The following LRBA variants were observed in gnomAD, a reference collection of about 807,000 sequenced individuals.
The protein encoded by LRBA is lipopolysaccharide-responsive and beige-like anchor protein.
Under a neutral mutation model 330.0 loss-of-function variants are expected in LRBA, and 176 were observed. The observed-to-expected ratio is 0.53, with a 90% CI of 0.47 to 0.60. The LOEUF (loss-of-function observed/expected upper bound fraction) is 0.60, where lower values mean the gene tolerates loss of function less well. LRBA is among the 20% of genes least tolerant of loss of function. LRBA has a pLI of 0.00. For synonymous variants in LRBA, 1,230 were observed against 1,193.0 expected, an observed-to-expected ratio of 1.03 and a Z score of -0.64; for missense variants, 3,259 against 3,444.8, an observed-to-expected ratio of 0.95 and a Z score of 1.35.
intron 36 of LRBA, among the ~76,000 whole-genome samples, chr4:150,684,287 A>G (rs543546425): frequency 1.3e-5 from 2 of 152,316 alleles, no homozygotes; most frequent in South Asian, 2.1e-4. Context: ...ACAGGGCCAG[A>G]AAAGAGACAA....
At chr4:150,614,037 C>G (rs957299595) in intron 37 of LRBA, among the ~76,000 whole-genome samples, 2 of 152,218 alleles carry the variant, frequency 1.3e-5, no homozygotes, top group Non-Finnish European at 2.9e-5. Context: ...ACTCTCACAT[C>G]TGCGCAGATC....
chr4:150,359,156 T>C (rs62346996), intron 47 of LRBA, among the ~76,000 whole-genome samples: 31,564 of 152,186 alleles, frequency 0.21, 3,995 homozygotes, highest in Non-Finnish European at 0.29. Flanking sequence ...GTGTATGCGA[T>C]TGCATACTTG....
rs72736395 is a variant in LRBA at position 150,700,944 on chromosome 4, G to A, written c.5755-17227C>T. Among the ~76,000 whole-genome samples the A allele has an allele frequency of 1.6e-3, 244 of 151,966 alleles. 1 individual carries two copies. The highest frequency in any genetic ancestry group is 3.7e-3 in the Admixed American group (56 of 15,258). On this transcript the variant is annotated intron_variant, in intron 36 of 56. Coordinates refer to ENST00000651943, the MANE Select transcript of LRBA (RefSeq NM_001364905.1). ...CTGGCTAACTTTTTTATTTTTTGTAGAGACAAGGTCTCCCTATGTTGCCCA... is the reference window on the plus strand; with the variant it reads ...CTGGCTAACTTTTTTATTTTTTGTAAAGACAAGGTCTCCCTATGTTGCCCA...
At chr4:150,449,260 G>A (rs551154497) in intron 44 of LRBA, among the ~76,000 whole-genome samples, 1 of 152,124 alleles carries the variant, frequency 6.6e-6, no homozygotes, top group Non-Finnish European at 1.5e-5. Context: ...CTGGGGTAGG[G>A]TAAAAGCAAA....
intron 37 of LRBA, among the ~76,000 whole-genome samples, chr4:150,609,794 T>C (rs1448541780): frequency 2.6e-5 from 4 of 152,098 alleles, no homozygotes; most frequent in Admixed American, 6.5e-5. Context: ...CTTAAGCATG[T>C]TTGCAGAAGG....
At chr4:150,652,836 A>G (rs4235249) in intron 37 of LRBA, among the ~76,000 whole-genome samples, 151,231 of 152,246 alleles carry the variant, frequency 0.99, 75,114 homozygotes, top group East Asian at 1. Context: ...AATTGAGGTT[A>G]GACACCTAAC....
At chr4:150,611,105 T>C (rs534267049) in intron 37 of LRBA, among the ~76,000 whole-genome samples, 1 of 152,210 alleles carries the variant, frequency 6.6e-6, no homozygotes, top group African/African-American at 2.4e-5. Flanking sequence ...TAAATAATCA[T>C]GGGACTGAAC....
intron 37 of LRBA, among the ~76,000 whole-genome samples, chr4:150,614,661 T>C (rs1775586994): frequency 1.3e-5 from 2 of 152,168 alleles, no homozygotes; most frequent in Non-Finnish European, 1.5e-5. Flanking sequence ...AGTAGACCTA[T>C]AATTGAAGTA....
At chr4:150,968,593 G>A (rs150589424) in intron 2 of LRBA, among the ~76,000 whole-genome samples, 1 of 152,320 alleles carries the variant, frequency 6.6e-6, no homozygotes, top group East Asian at 1.9e-4. Context: ...GGAGAGGTGA[G>A]TAAGCTGTAG....
intron 17 of LRBA, among the ~76,000 whole-genome samples, chr4:150,876,985 G>T (rs555608702): frequency 9.9e-5 from 15 of 152,236 alleles, no homozygotes; most frequent in Admixed American, 8.5e-4. Context: ...TGGGCGCAGT[G>T]GCTCACGCCT....
intron 2 of LRBA, among the ~76,000 whole-genome samples, chr4:150,977,722 G>C (rs959487516): frequency 1.6e-4 from 24 of 152,214 alleles, no homozygotes; most frequent in African/African-American, 5.8e-4. Flanking sequence ...GCTAACTGAA[G>C]AGTCCTTGGG....
chr4:150,541,212 AAAGGAG>A (rs1209206546), intron 40 of LRBA, among the ~76,000 whole-genome samples: 1 of 152,128 alleles, frequency 6.6e-6, no homozygotes, highest in Non-Finnish European at 1.5e-5. Context: ...GGAAGAAGGG[AAAGGAG>A]AAGGATAAAG....
intron 37 of LRBA, among the ~76,000 whole-genome samples, chr4:150,652,573 C>T (rs1779803140): frequency 6.6e-6 from 1 of 151,952 alleles, no homozygotes; most frequent in African/African-American, 2.4e-5. Flanking sequence ...CTAACAGTCA[C>T]ATAAAAAAGG....
intron 19 of LRBA, among the ~76,000 whole-genome samples, chr4:150,871,023 C>T (rs569291464): frequency 6.6e-6 from 1 of 152,166 alleles, no homozygotes; most frequent in African/African-American, 2.4e-5. Context: ...GTGGGTAGAT[C>T]GCCTGAGGTC....
chr4:150,561,451 A>C (rs1284582551), intron 40 of LRBA, among the ~76,000 whole-genome samples: 1 of 152,240 alleles, frequency 6.6e-6, no homozygotes, highest in Non-Finnish European at 1.5e-5. Flanking sequence ...ACATTATAAC[A>C]GAGAGATTAA....
At chr4:150,266,217 G>GA (rs1745307992) in intron 56 of LRBA, among the ~76,000 whole-genome samples, 1 of 152,208 alleles carries the variant, frequency 6.6e-6, no homozygotes, top group Non-Finnish European at 1.5e-5. Flanking sequence ...ACTGCTGGTG[G>GA]AAAGAAGCAG....
chr4:150,733,994 T>C (rs1398695789), intron 36 of LRBA, among the ~76,000 whole-genome samples: 1 of 152,196 alleles, frequency 6.6e-6, no homozygotes, highest in Non-Finnish European at 1.5e-5. Context: ...AGCTGTATCT[T>C]GCACTTGCAA....
intron 40 of LRBA, among the ~76,000 whole-genome samples, chr4:150,558,825 G>A (rs1402100299): frequency 1.3e-5 from 2 of 152,096 alleles, no homozygotes; most frequent in Non-Finnish European, 2.9e-5. Context: ...TTAAGACTCT[G>A]ACTCTAATCT....
intron 40 of LRBA, chr4:150,579,918 C>G (rs890372499): frequency 2.9e-6 from 1 of 343,188 alleles, no homozygotes; most frequent in African/African-American, 2.2e-5. Context: ...ACCCTCTATC[C>G]CCGCCACCAG....
Sources: allele counts gnomAD v4.1 joint callset (sites outside exome capture counted in the v4.1 genomes callset), GRCh38; gene constraint gnomAD v4.1.1; transcripts MANE v1.5; gene names NCBI Gene and HGNC (gene_info 2026-07-23, HGNC 2026-07-21).